The following SRBD1 variants were observed in gnomAD, a reference collection of about 807,000 sequenced individuals.
SRBD1 encodes the protein S1 RNA-binding domain-containing protein 1.
In SRBD1, 88 loss-of-function variants were observed where a neutral mutation model predicts 115.3. The ratio of observed to expected loss-of-function variants is 0.76; its 90% CI spans 0.64 to 0.91. SRBD1 has a LOEUF of 0.91. Ranked by LOEUF, SRBD1 falls within the 40% of genes least tolerant of loss-of-function variation. The pLI is 0.00. For missense variants in SRBD1, 1,385 were observed against 1,177.4 expected (o/e 1.18, Z -2.58); for synonymous variants, 509 against 407.7 (o/e 1.25, Z -2.99).
intron 19 of SRBD1, among the ~76,000 whole-genome samples, chr2:45,407,816 A>G (rs6759381): frequency 0.58 from 87,784 of 151,728 alleles, 26,512 homozygotes; most frequent in Non-Finnish European, 0.69. Context: ...AAAAAATGCC[A>G]GTCCATATAA....
chr2:45,562,648 C>T lies in SRBD1; in HGVS notation c.1409+5G>A. The stretch of plus-strand genomic sequence containing the variant: ...AGAAAATTCTGTAAATATCTGTAAA[C>T]AGACCTGTTTTGGATGCACCACCTA... On this transcript the variant is annotated splice_donor_5th_base_variant and intron_variant, in intron 10 of 20. Coordinates refer to ENST00000263736, the MANE Select transcript of SRBD1 (RefSeq NM_018079.5). 1 of 1,591,736 alleles carries T rather than the reference C, an allele frequency of 6.3e-7. No individual in the cohort carries two copies. The highest frequency in any genetic ancestry group is 1.1e-5 in the South Asian group (1 of 87,494).
At chr2:45,414,926 C>CAG (rs201343427) in intron 18 of SRBD1, among the ~76,000 whole-genome samples, 1 of 90,532 alleles carries the variant, frequency 1.1e-5, no homozygotes, top group African/African-American at 5.5e-5. Flanking sequence ...ATAGTATGTA[C>CAG]ACACACAGTG....
intron 14 of SRBD1, among the ~76,000 whole-genome samples, chr2:45,529,651 C>T (rs1297625478): frequency 6.6e-6 from 1 of 151,898 alleles, no homozygotes; most frequent in African/African-American, 2.4e-5. Context: ...CTATTTACAA[C>T]CAGATACAGA....
intron 16 of SRBD1, among the ~76,000 whole-genome samples, chr2:45,427,741 CA>C (rs1668200960): frequency 6.6e-6 from 1 of 152,140 alleles, no homozygotes; most frequent in Non-Finnish European, 1.5e-5. Context: ...CCGATTCCAG[CA>C]GTACATCAAA....
intron 5 of SRBD1, among the ~76,000 whole-genome samples, chr2:45,583,357 C>G (rs1306226367): frequency 6.6e-6 from 1 of 152,128 alleles, no homozygotes; most frequent in East Asian, 1.9e-4. Context: ...CTAAAGCCTA[C>G]CAGGTCATTT....
chr2:45,571,608 A>G (rs909013248), intron 9 of SRBD1, among the ~76,000 whole-genome samples: 8 of 151,088 alleles, frequency 5.3e-5, no homozygotes, highest in Non-Finnish European at 8.8e-5. Flanking sequence ...TCTATTCAAT[A>G]TGCTGAATTC....
chr2:45,530,014 T>C lies in SRBD1; in HGVS notation c.1874+16718A>G, dbSNP rs760729538. Reference sequence around the variant, plus strand: ...GACAATGGCAATGATGGCAGCAGCATGGTTTAAACAATGGAACTATCTAAA... The same window carrying C: ...GACAATGGCAATGATGGCAGCAGCACGGTTTAAACAATGGAACTATCTAAA... On this transcript the variant is annotated intron_variant, in intron 14 of 20. Transcript: ENST00000263736. Among the ~76,000 whole-genome samples the C allele has an allele frequency of 2.0e-5, 3 of 152,054 alleles. No homozygotes were observed. In the South Asian group the frequency reaches 6.2e-4, roughly 31 times the overall value.
At chr2:45,422,210 C>CT (rs1668027648) in intron 16 of SRBD1, among the ~76,000 whole-genome samples, 1 of 152,176 alleles carries the variant, frequency 6.6e-6, no homozygotes, top group Non-Finnish European at 1.5e-5. Context: ...ACATCAGATG[C>CT]TTAGGACAGC....
intron 16 of SRBD1, among the ~76,000 whole-genome samples, chr2:45,421,167 A>T (rs894487213): frequency 2.6e-5 from 4 of 152,220 alleles, no homozygotes; most frequent in African/African-American, 9.6e-5. Context: ...CAGCAACTGT[A>T]GGACACCATT....
chr2:45,399,019 T>C (rs1235976009), intron 19 of SRBD1, among the ~76,000 whole-genome samples: 1 of 151,988 alleles, frequency 6.6e-6, no homozygotes, highest in Non-Finnish European at 1.5e-5. Context: ...GACATTAAAA[T>C]ATCAGTCTTC....
intron 7 of SRBD1, among the ~76,000 whole-genome samples, chr2:45,575,863 C>T (rs1673159158): frequency 6.6e-6 from 1 of 152,086 alleles, no homozygotes; most frequent in African/African-American, 2.4e-5. Flanking sequence ...ACCACCACAC[C>T]CAGCTAATTT....
At chr2:45,570,528 G>A (rs772251771) in intron 9 of SRBD1, among the ~76,000 whole-genome samples, 2 of 152,236 alleles carry the variant, frequency 1.3e-5, no homozygotes, top group South Asian at 2.1e-4. Context: ...TGTGGAGTAG[G>A]GAACTCTAAA....
At chr2:45,445,337 T>C (rs988302623) in intron 16 of SRBD1, among the ~76,000 whole-genome samples, 43 of 152,094 alleles carry the variant, frequency 2.8e-4, no homozygotes, top group African/African-American at 1.0e-3. Context: ...ATTTTCTTTT[T>C]ACCCATTCAT....
At chr2:45,468,741 G>C (rs924198589) in intron 16 of SRBD1, among the ~76,000 whole-genome samples, 5 of 152,044 alleles carry the variant, frequency 3.3e-5, no homozygotes, top group Non-Finnish European at 7.4e-5. Flanking sequence ...AATTTTTCTA[G>C]GCTATATACA....
At chr2:45,572,503 AAAAC>A (rs1379417742) in intron 9 of SRBD1, among the ~76,000 whole-genome samples, 2 of 152,140 alleles carry the variant, frequency 1.3e-5, no homozygotes, top group African/African-American at 2.4e-5. Context: ...ATTTTCCAGA[AAAAC>A]AAAAACTAGG....
intron 5 of SRBD1, among the ~76,000 whole-genome samples, chr2:45,585,018 C>T (rs1027598832): frequency 1.6e-4 from 25 of 151,930 alleles, no homozygotes; most frequent in African/African-American, 4.6e-4. Flanking sequence ...GGCGTGGTGG[C>T]GCATTCCTGT....
chr2:45,506,675 T>A (rs954903278), intron 14 of SRBD1, among the ~76,000 whole-genome samples: 1 of 152,176 alleles, frequency 6.6e-6, no homozygotes, highest in Non-Finnish European at 1.5e-5. Context: ...TATTTTCAGA[T>A]CTTCTTCTAA....
chr2:45,478,242 T>C (rs970442113), intron 15 of SRBD1, among the ~76,000 whole-genome samples: 3 of 152,156 alleles, frequency 2.0e-5, no homozygotes, highest in Non-Finnish European at 4.4e-5. Flanking sequence ...GAAAATCCTA[T>C]GCCTGTTTCC....
chr2:45,451,204 A>AT (rs1025241928), intron 16 of SRBD1, among the ~76,000 whole-genome samples: 2 of 151,810 alleles, frequency 1.3e-5, no homozygotes, highest in African/African-American at 4.8e-5. Context: ...GTCTTGGACT[A>AT]TTTTTTTTAA....
Sources: allele counts gnomAD v4.1 joint callset (sites outside exome capture counted in the v4.1 genomes callset), GRCh38; gene constraint gnomAD v4.1.1; transcripts MANE v1.5; gene names NCBI Gene and HGNC (gene_info 2026-07-23, HGNC 2026-07-21).